SH3BP5: variants seen among roughly 807,000 people sequenced by gnomAD.
SH3BP5 encodes SH3 domain binding protein 5.
SH3BP5 carries 22 observed loss-of-function variants against 43.3 expected under a neutral mutation model. The ratio of observed to expected loss-of-function variants is 0.51; its 90% CI spans 0.36 to 0.73. The LOEUF is 0.73. Ranked by LOEUF, SH3BP5 falls within the 30% of genes least tolerant of loss-of-function variation. The pLI is 0.00. For synonymous variants in SH3BP5, 255 were observed against 225.8 expected, an observed-to-expected ratio of 1.13 and a Z score of -1.16; for missense variants, 529 against 586.9, an observed-to-expected ratio of 0.90 and a Z score of 1.02.
At chr3:15,257,342 A>C (rs114898797) in intron 7 of SH3BP5, 2 of 498,180 alleles carry the variant, frequency 4.0e-6, no homozygotes, top group South Asian at 6.1e-5. Context: ...CGCCCTTCCA[A>C]TAACCTTATA....
intron 1 of SH3BP5, 82 bp from the exon 2 acceptor site, chr3:15,330,648 A>T: frequency 7.1e-7 from 1 of 1,400,272 alleles, no homozygotes; most frequent in Middle Eastern, 2.2e-4. Flanking sequence ...AACCTGAAAA[A>T]TTACCCCAGC....
At chr3:15,338,946 G>A (rs1698733074) in intron 1 of SH3BP5, among the ~76,000 whole-genome samples, 1 of 152,170 alleles carries the variant, frequency 6.6e-6, no homozygotes, top group South Asian at 2.1e-4. Context: ...CTCATGGTAA[G>A]GTGTTGCAGG....
intron 2 of SH3BP5, among the ~76,000 whole-genome samples, chr3:15,326,349 T>C (rs1204425753): frequency 6.6e-6 from 1 of 152,150 alleles, no homozygotes; most frequent in Non-Finnish European, 1.5e-5. Flanking sequence ...GAGCAACACC[T>C]CAGTCTCCAG....
chr3:15,277,126 T>C lies in SH3BP5; in HGVS notation c.331-7249A>G, dbSNP rs1443752455. The stretch of plus-strand genomic sequence containing the variant: ...CCACCATGCCCAGCTAATTTTTGTA[T>C]TTTTAGTAGATACGAAACAGGGTTT... On this transcript the variant is annotated intron_variant, in intron 3 of 8. Transcript: ENST00000383791. Among the ~76,000 whole-genome samples the C allele has an allele frequency of 1.3e-5, 2 of 152,130 alleles. 1 individual carries two copies. The highest frequency in any genetic ancestry group is 2.9e-5 in the Non-Finnish European group (2 of 68,034).
At chr3:15,276,524 A>G (rs1049079447) in intron 3 of SH3BP5, among the ~76,000 whole-genome samples, 9 of 152,332 alleles carry the variant, frequency 5.9e-5, no homozygotes, top group African/African-American at 1.9e-4. Flanking sequence ...TGGCAAGAAC[A>G]GCTGCTAGGG....
Position 15,304,087 on chromosome 3 carries a change from T to C in SH3BP5, c.330+16A>G, listed in dbSNP as rs1360827445. 40 of 1,609,896 alleles carry C rather than the reference T, an allele frequency of 2.5e-5. No individual in the cohort carries two copies. Among genetic ancestry groups the C allele is most frequent in the Non-Finnish European group, 3.1e-5 (37 of 1,176,698 alleles). On this transcript the variant is annotated intron_variant, in intron 3 of 8. Coordinates refer to ENST00000383791, the MANE Select transcript of SH3BP5 (RefSeq NM_004844.5). ...TGAGGCTCGAGGTAGGGGAGACATC[T>C]ATGGGGCTATCTTACCTGCCTCGCC... is the stretch of plus-strand genomic sequence containing the variant.
At chr3:15,278,696 G>C (rs1697038933) in intron 3 of SH3BP5, among the ~76,000 whole-genome samples, 1 of 152,176 alleles carries the variant, frequency 6.6e-6, no homozygotes, top group Non-Finnish European at 1.5e-5. Context: ...ACACCGAGGT[G>C]CTTCTAATTT....
chr3:15,332,763 G>T, upstream of SH3BP5: 1 of 673,834 alleles, frequency 1.5e-6, no homozygotes, highest in Non-Finnish European at 1.9e-6. Context: ...CCACCCCCTT[G>T]TAACTTAGCA....
intron 3 of SH3BP5, among the ~76,000 whole-genome samples, chr3:15,272,334 T>G (rs1176558434): frequency 6.6e-6 from 1 of 152,078 alleles, no homozygotes; most frequent in Non-Finnish European, 1.5e-5. Flanking sequence ...AAGTCTGTAA[T>G]ACAACGCTGT....
intron 7 of SH3BP5, 78 bp from the exon 8 acceptor site, chr3:15,257,191 G>A (rs1696241662): frequency 2.8e-6 from 4 of 1,426,582 alleles, no homozygotes; most frequent in Non-Finnish European, 2.9e-6. Flanking sequence ...CTGGCAGGCA[G>A]CTAGACACAG....
chr3:15,262,717 G>A lies in SH3BP5; in HGVS notation c.496-428C>T, dbSNP rs905077264. On this transcript the variant is annotated intron_variant, in intron 4 of 8. Transcript: ENST00000383791. ...TCACACCTGTAATCACAGTCCTTTG[G>A]GAGGCTGAGGTGGGTGGATCGCCTA... 3.9e-5 allele frequency among the ~76,000 whole-genome samples: 6 copies of A among 151,916 alleles called. No individual in the cohort carries two copies. The East Asian group carries it at 1.2e-3, about 29-fold the overall frequency.
At chr3:15,312,154 G>T (rs1249834824) in intron 2 of SH3BP5, among the ~76,000 whole-genome samples, 6 of 152,180 alleles carry the variant, frequency 3.9e-5, no homozygotes, top group African/African-American at 1.4e-4. Flanking sequence ...GCGTTCAGTA[G>T]AGTTTTCCAG....
chr3:15,284,871 A>G (rs910230874), intron 3 of SH3BP5, among the ~76,000 whole-genome samples: 5 of 152,186 alleles, frequency 3.3e-5, no homozygotes, highest in Admixed American at 1.3e-4. Flanking sequence ...GGACAACTCA[A>G]ACCCAGGGAC....
At chr3:15,295,443 G>A (rs1383912831) in intron 3 of SH3BP5, among the ~76,000 whole-genome samples, 1 of 152,134 alleles carries the variant, frequency 6.6e-6, no homozygotes, top group Non-Finnish European at 1.5e-5. Context: ...GGTCCTTTTA[G>A]TGCTGTGTTT....
chr3:15,262,094 A>G, intron 5 of SH3BP5, 65 bp downstream of exon 5: 3 of 1,591,328 alleles, frequency 1.9e-6, no homozygotes, highest in East Asian at 2.3e-5. Context: ...GTGACATACA[A>G]AAGGCTGAGA....
chr3:15,272,787 G>A (rs1559432922), intron 3 of SH3BP5, among the ~76,000 whole-genome samples: 1 of 152,202 alleles, frequency 6.6e-6, no homozygotes, highest in Non-Finnish European at 1.5e-5. Flanking sequence ...ATGAATGCCA[G>A]GCTAAACCTT....
chr3:15,277,149 T>A (rs1696995294), intron 3 of SH3BP5, among the ~76,000 whole-genome samples: 1 of 151,428 alleles, frequency 6.6e-6, no homozygotes, highest in Non-Finnish European at 1.5e-5. Context: ...CGAAACAGGG[T>A]TTTTTAGTAG....
chr3:15,318,921 ACAAGTTC>A (rs11277531), intron 2 of SH3BP5, among the ~76,000 whole-genome samples: 63,504 of 151,510 alleles, frequency 0.42, 14,023 homozygotes, highest in African/African-American at 0.57. Context: ...TGTGGTTTTA[ACAAGTTC>A]CAAGTGGGGA....
intron 3 of SH3BP5, among the ~76,000 whole-genome samples, chr3:15,284,997 G>A (rs1027459967): frequency 6.6e-6 from 1 of 152,156 alleles, no homozygotes; most frequent in Non-Finnish European, 1.5e-5. Flanking sequence ...TTTATGCATA[G>A]TACATAGGAT....
Sources: gnomAD v4.1 joint callset for allele counts (sites outside exome capture counted in the v4.1 genomes callset) on GRCh38, gnomAD v4.1.1 for gene constraint, MANE v1.5 for transcripts, NCBI Gene and HGNC (gene_info 2026-07-23, HGNC 2026-07-21) for gene names.